The following PTK2B variants were observed in gnomAD, a reference collection of about 807,000 sequenced individuals.
PTK2B encodes the protein protein-tyrosine kinase 2-beta.
In PTK2B, 71 loss-of-function variants were observed where a neutral mutation model predicts 142.9. The observed-to-expected ratio is 0.50, with a 90% CI of 0.41 to 0.61. The LOEUF is 0.61. Among genes scored for constraint, PTK2B ranks in the 20% least tolerant of loss-of-function variants. The probability of loss-of-function intolerance (pLI) is 0.00; values close to 1 mark genes in which losing one functional copy is unlikely to be tolerated. For missense variants in PTK2B, 1,105 were observed against 1,320.4 expected (o/e 0.84, Z 2.53); for synonymous variants, 519 against 503.4 (o/e 1.03, Z -0.42).
chr8:27,436,496 G>A, intron 15 of PTK2B, 148 bp downstream of exon 15: 2 of 675,504 alleles, frequency 3.0e-6, no homozygotes, highest in South Asian at 3.6e-5. Flanking sequence ...GGGCATGGTG[G>A]TATTTATTAA....
chr8:27,432,682 G>A (rs942172760), intron 10 of PTK2B, among the ~76,000 whole-genome samples: 1 of 152,146 alleles, frequency 6.6e-6, no homozygotes, highest in Non-Finnish European at 1.5e-5. Context: ...CAAGGATGCG[G>A]ACATCAAGAC....
intron 1 of PTK2B, among the ~76,000 whole-genome samples, chr8:27,350,532 A>G (rs1236165396): frequency 6.6e-6 from 1 of 151,782 alleles, no homozygotes; most frequent in Non-Finnish European, 1.5e-5. Flanking sequence ...CCTTGCTGTT[A>G]TACATTCTCC....
At chr8:27,457,710 C>T (rs898614239) in intron 30 of PTK2B, among the ~76,000 whole-genome samples, 6 of 152,112 alleles carry the variant, frequency 3.9e-5, no homozygotes, top group African/African-American at 1.4e-4. Flanking sequence ...TGTGGTGGCT[C>T]ACGCCTATAA....
chr8:27,316,454 A>T lies in PTK2B; in HGVS notation c.-414+3167A>T, dbSNP rs80285155. Among the ~76,000 whole-genome samples, 687 of 152,366 alleles carry T rather than the reference A, an allele frequency of 4.5e-3. 6 individuals are homozygous for T. The highest frequency in any genetic ancestry group is 0.036 in the East Asian group (188 of 5,192). ...GATTGAACTAACAGGATGGAAGAAG[A>T]TATACCACACTAATGCTAATAAAAA... is the stretch of plus-strand genomic sequence containing the variant. On this transcript the variant is annotated intron_variant, in intron 3 of 35. Coordinates refer to the PTK2B transcript ENST00000397501.
chr8:27,324,711 T>C (rs930804864), upstream of PTK2B, among the ~76,000 whole-genome samples: 3 of 152,144 alleles, frequency 2.0e-5, no homozygotes, highest in African/African-American at 7.2e-5. Flanking sequence ...ATAAAGAAGC[T>C]TGGGACAGGG....
At chr8:27,448,046 A>G (rs1482082434) in intron 24 of PTK2B, among the ~76,000 whole-genome samples, 1 of 152,238 alleles carries the variant, frequency 6.6e-6, no homozygotes, top group African/African-American at 2.4e-5. Context: ...TGGGTACCAC[A>G]AAGTGGGAGT....
intron 1 of PTK2B, among the ~76,000 whole-genome samples, chr8:27,335,227 C>A (rs1048225263): frequency 1.3e-5 from 2 of 152,236 alleles, no homozygotes; most frequent in Admixed American, 6.5e-5. Flanking sequence ...TCGACAATCA[C>A]CTCGTTTATC....
intron 1 of PTK2B, among the ~76,000 whole-genome samples, chr8:27,366,850 G>A (rs1806047042): frequency 6.6e-6 from 1 of 152,120 alleles, no homozygotes; most frequent in South Asian, 2.1e-4. Context: ...GGGCAGGGGA[G>A]GGTGCAGAGG....
At chr8:27,394,926 C>T (rs375959202) in intron 1 of PTK2B, among the ~76,000 whole-genome samples, 92 of 152,272 alleles carry the variant, frequency 6.0e-4, no homozygotes, top group Middle Eastern at 6.8e-3. Flanking sequence ...CCATCAGTAT[C>T]ACTGTCTTCC....
intron 2 of PTK2B, among the ~76,000 whole-genome samples, chr8:27,399,062 C>T (rs1433259093): frequency 1.3e-5 from 2 of 152,210 alleles, no homozygotes; most frequent in African/African-American, 4.8e-5. Flanking sequence ...GGATGTTTTC[C>T]TCTCTCTTTA....
In PTK2B at chr8:27,453,165, G is replaced by T. The variant is rs1230730302; in HGVS notation, c.2595+5G>T. ...CCCCCGAGGCTGGGCGCACAGGTAT[G>T]TGTTGGCTCTGCTGAAACTGATAAA... On this transcript the variant is annotated splice_donor_5th_base_variant and intron_variant, in intron 28 of 30. Coordinates refer to ENST00000346049, the MANE Select transcript of PTK2B (RefSeq NM_173176.3). The T allele has an allele frequency of 6.2e-7, 1 of 1,614,208 alleles. No homozygotes were observed. Among genetic ancestry groups the T allele is most frequent in the Non-Finnish European group, 8.5e-7 (1 of 1,180,018 alleles).
chr8:27,348,902 G>A (rs1804876432), intron 1 of PTK2B, among the ~76,000 whole-genome samples: 1 of 152,068 alleles, frequency 6.6e-6, no homozygotes, highest in South Asian at 2.1e-4. Flanking sequence ...CTTCCATTTG[G>A]AGGCTGTTCT....
rs60755606 is a variant in PTK2B, at chr8:27,352,573, A to C, written c.-38+26892A>C. Among the ~76,000 whole-genome samples, 1,192 of 152,232 alleles carry C rather than the reference A, an allele frequency of 7.8e-3. 12 individuals are homozygous for C. Among genetic ancestry groups the C allele is most frequent in the African/African-American group, 0.027 (1,141 of 41,530 alleles). On this transcript the variant is annotated intron_variant, in intron 1 of 30. Coordinates refer to ENST00000346049, the MANE Select transcript of PTK2B (RefSeq NM_173176.3). ...CACTTATTTGGATACACATTATTTG[A>C]TATGGTTTGGCTGTGTCCCCACCCA... is the stretch of plus-strand genomic sequence containing the variant.
chr8:27,454,989 G>C (rs556098920), intron 30 of PTK2B, among the ~76,000 whole-genome samples: 40 of 152,144 alleles, frequency 2.6e-4, no homozygotes, highest in African/African-American at 9.6e-4. Context: ...TATTTAATCT[G>C]ATTTTCTTTA....
In PTK2B at chr8:27,434,095, G is replaced by A; in HGVS notation, c.1108G>A (p.Gly370Ser). The A allele has an allele frequency of 6.2e-7, 1 of 1,614,080 alleles. No homozygotes were observed. Among genetic ancestry groups the A allele is most frequent in the Non-Finnish European group, 8.5e-7 (1 of 1,179,976 alleles). ...CCTCCTTCCTCCTCTCTTCCTAGAT[G>A]GTGAGAAGCGGAACAGCCTGCCCCA... ...GSLIIHPRKDGEKRNSLPQIP... is the reference protein window; with the variant it reads ...GSLIIHPRKDSEKRNSLPQIP... Residue 370 changes from glycine (G) to serine (S), a missense_variant and splice_region_variant, in exon 12 of 31, where the codon GGT (glycine) becomes AGT (serine). Transcript: ENST00000346049.
intron 3 of PTK2B, among the ~76,000 whole-genome samples, chr8:27,315,509 G>T (rs868764355): frequency 6.6e-6 from 1 of 152,042 alleles, no homozygotes; most frequent in Non-Finnish European, 1.5e-5. Flanking sequence ...AGACTCTTAC[G>T]TCGTCTCATT....
chr8:27,445,704 A>T, intron 23 of PTK2B, 90 bp from the exon 24 acceptor site: 1 of 1,564,594 alleles, frequency 6.4e-7, no homozygotes, highest in Non-Finnish European at 8.7e-7. Flanking sequence ...GTGCTCATGC[A>T]TAGTTTCTTT....
At chr8:27,389,311 A>C (rs1807567296) in intron 1 of PTK2B, among the ~76,000 whole-genome samples, 1 of 152,128 alleles carries the variant, frequency 6.6e-6, no homozygotes, top group Non-Finnish European at 1.5e-5. Flanking sequence ...GAAAGAAGGA[A>C]GGAAGACAGG....
At chr8:27,339,449 A>G (rs925063543) in intron 1 of PTK2B, among the ~76,000 whole-genome samples, 17 of 152,070 alleles carry the variant, frequency 1.1e-4, no homozygotes, top group African/African-American at 3.1e-4. Context: ...ATCCTTTACC[A>G]TTGGTCCTTT....
Sources: allele counts gnomAD v4.1 joint callset (sites outside exome capture counted in the v4.1 genomes callset), GRCh38; gene constraint gnomAD v4.1.1; transcripts MANE v1.5; gene names NCBI Gene and HGNC (gene_info 2026-07-23, HGNC 2026-07-21).